The following RIC8A variants were observed in gnomAD, a reference collection of about 807,000 sequenced individuals.
RIC8A encodes RIC8 guanine nucleotide exchange factor A.
Under a neutral mutation model 48.4 loss-of-function variants are expected in RIC8A, and 37 were observed. The observed-to-expected ratio is 0.77, with a 90% CI of 0.59 to 1.01. The LOEUF is 1.01. Among genes scored for constraint, RIC8A ranks in the 50% least tolerant of loss-of-function variants. The pLI is 0.00. For missense variants in RIC8A, 681 were observed against 696.8 expected, an observed-to-expected ratio of 0.98 and a Z score of 0.25; for synonymous variants, 288 against 283.4, an observed-to-expected ratio of 1.02 and a Z score of -0.16.
At chr11:209,155 C>G (rs767699816) in intron 1 of RIC8A, 116 bp from the exon 2 acceptor site, 1 of 1,311,824 alleles carries the variant, frequency 7.6e-7, no homozygotes. Flanking sequence ...AGTGCCGACC[C>G]TGCCATCCGT....
At chr11:212,083 C>A in intron 5 of RIC8A, 1 of 319,780 alleles carries the variant, frequency 3.1e-6, no homozygotes, top group East Asian at 7.3e-5. Context: ...AATGTGTGTG[C>A]GAGTCTAAAG....
rs1310859495 is a variant in RIC8A, at chr11:211,411, A to T, written c.969+62A>T. On this transcript the variant is annotated intron_variant, in intron 5 of 9. Transcript: ENST00000526104. The surrounding 1 kb of genome is among the most constrained non-coding windows in gnomAD (Gnocchi z 4.0). ...CTCTGGCACTGGTTCTCCTGCACAGATGTGGTCAGTGCTTCCACACTGTCC... is the reference window on the plus strand; with the variant it reads ...CTCTGGCACTGGTTCTCCTGCACAGTTGTGGTCAGTGCTTCCACACTGTCC... The T allele has an allele frequency of 1.3e-6, 2 of 1,550,014 alleles. No homozygotes were observed. Among genetic ancestry groups the T allele is most frequent in the Non-Finnish European group, 8.8e-7 (1 of 1,139,232 alleles).
chr11:208,775 CT>C lies in RIC8A; in HGVS notation c.-77del. 8.4e-7 allele frequency: 1 copy of C among 1,193,564 alleles called. No individual in the cohort carries two copies. Among genetic ancestry groups the C allele is most frequent in the Non-Finnish European group, 1.2e-6 (1 of 866,814 alleles). 73.9% of individuals were successfully genotyped at this position (1,193,564 alleles called of 1,614,324 possible). A position where few individuals can be genotyped will look rare whatever the true frequency, so the allele number is the denominator to read the frequency against. The stretch of plus-strand genomic sequence containing the variant: ...GCCTCCCCCGCGCGCTGGCGCGGGG[CT>C]TTCTGGGCCAGGGCGGGGCCGGCGA... On this transcript the variant is annotated 5_prime_UTR_variant, in exon 1 of 10. Coordinates refer to ENST00000526104, the MANE Select transcript of RIC8A (RefSeq NM_001286134.2). The surrounding 1 kb of genome is among the most constrained non-coding windows in gnomAD (Gnocchi z 4.8).
chr11:213,877 G>A, intron 9 of RIC8A: 1 of 290,866 alleles, frequency 3.4e-6, no homozygotes, highest in Non-Finnish European at 6.6e-6. Flanking sequence ...AACCCAGGAG[G>A]CAGAGCTTGC....
In RIC8A at chr11:208,737, G is replaced by A. The variant is rs1855255291; in HGVS notation, c.-118G>A. On this transcript the variant is annotated 5_prime_UTR_variant, in exon 1 of 10. Coordinates refer to ENST00000526104, the MANE Select transcript of RIC8A (RefSeq NM_001286134.2). This position sits in a 1 kb window ranked among gnomAD's most constrained non-coding sequence, Gnocchi z 4.8. ...CCCCGTTAAAGCGCCACCAGACGCC[G>A]CGCCCCGTCCCGGCCTCCCCCGCGC... 3 of 679,430 alleles carry A rather than the reference G, an allele frequency of 4.4e-6. No individual in the cohort carries two copies. The highest frequency in any genetic ancestry group is 7.0e-6 in the Non-Finnish European group (3 of 431,426). 42.1% of individuals were successfully genotyped at this position (679,430 alleles called of 1,614,324 possible). A position where few individuals can be genotyped will look rare whatever the true frequency, so the allele number is the denominator to read the frequency against.
At position 208,931 on chromosome 11, in the gene RIC8A, A is replaced by G. The variant is rs1020802549; in HGVS notation, c.77A>G (p.Asn26Ser). The change falls in exon 1 of 10, where the codon AAC (asparagine) becomes AGC (serine). Residue 26 changes from asparagine (N) to serine (S), a missense_variant. By Grantham distance (46) the Asn-to-Ser change is conservative (BLOSUM62 1). Transcript: ENST00000526104. The surrounding 1 kb of genome is among the most constrained non-coding windows in gnomAD (Gnocchi z 4.8). Reference sequence around the variant, plus strand: ...ATTATGGAAGCTCTGCGGTCATACAACCAGGAGGTAAGCGGCCGCCTGAGG... The same window carrying G: ...ATTATGGAAGCTCTGCGGTCATACAGCCAGGAGGTAAGCGGCCGCCTGAGG... ...DVIMEALRSY[N>S]QEHSQSFTFD... 1 of 1,494,704 alleles carries G rather than the reference A, an allele frequency of 6.7e-7. No homozygotes were observed. Among genetic ancestry groups the G allele is most frequent in the African/African-American group, 1.4e-5 (1 of 70,326 alleles). 92.6% of individuals were successfully genotyped at this position (1,494,704 alleles called of 1,614,324 possible). A position where few individuals can be genotyped will look rare whatever the true frequency, so the allele number is the denominator to read the frequency against.
In RIC8A at chr11:213,369, A is replaced by G. The variant is rs762745899; in HGVS notation, c.1426A>G (p.Lys476Glu). The change falls in exon 9 of 10, where the codon AAG (lysine) becomes GAG (glutamate). Residue 476 changes from lysine to glutamate, a missense_variant. Lys to Glu is a moderately conservative substitution (Grantham distance 56, BLOSUM62 1). Transcript: ENST00000526104. ...NPMEGMTEEQ[K>E]EHEAMKLVTM... The stretch of plus-strand genomic sequence containing the variant: ...TATGGAGGGCATGACAGAGGAGCAG[A>G]AGGAGCACGAGGCCATGAAGCTGGT... 6.8e-6 allele frequency: 11 copies of G among 1,611,246 alleles called. No individual in the cohort carries two copies. Among genetic ancestry groups the G allele is most frequent in the Admixed American group, 5.0e-5 (3 of 59,600 alleles).
chr11:210,472 A>G (rs1237939561), intron 3 of RIC8A, 99 bp from the exon 4 acceptor site: 2 of 1,129,906 alleles, frequency 1.8e-6, no homozygotes, highest in East Asian at 2.3e-5. Context: ...GTGCACAGTC[A>G]TTGCCACACA....
In RIC8A at chr11:209,622, G is replaced by A. The variant is rs774946402; in HGVS notation, c.348G>A (p.Glu116=). ...PESADMDVVL[E]SLKCLCNLVL... ...CCGCAGACATGGATGTTGTACTGGA[G>A]TCCCTCAAGTGCCTGTGCAACCTCG... The change falls in exon 3 of 10, where the codon GAG becomes GAA. Residue 116 remains glutamate (E), a synonymous_variant. Transcript: ENST00000526104. The A allele has an allele frequency of 1.2e-6, 2 of 1,614,078 alleles. No homozygotes were observed. The highest frequency in any genetic ancestry group is 1.6e-4 in the Middle Eastern group (1 of 6,062).
chr11:209,192 A>T (rs747804142), intron 1 of RIC8A, 79 bp from the exon 2 acceptor site: 3 of 1,538,246 alleles, frequency 2.0e-6, no homozygotes, highest in Non-Finnish European at 2.7e-6. Flanking sequence ...TGCCTGAGTT[A>T]GAGGCCAATA....
chr11:208,870 G>A lies in RIC8A; in HGVS notation c.16G>A (p.Val6Ile). 6.2e-7 allele frequency: 1 copy of A among 1,610,582 alleles called. No individual in the cohort carries two copies. Among genetic ancestry groups the A allele is most frequent in the Non-Finnish European group, 8.5e-7 (1 of 1,179,026 alleles). Residue 6 changes from valine to isoleucine, a missense_variant, in exon 1 of 10, where the codon GTT becomes ATT. Val to Ile is a conservative substitution (Grantham distance 29). Coordinates refer to ENST00000526104, the MANE Select transcript of RIC8A (RefSeq NM_001286134.2). This position sits in a 1 kb window ranked among gnomAD's most constrained non-coding sequence, Gnocchi z 4.8. The part of the protein sequence containing the change: MEPRA[V>I]AEAVETGEED... ...CCGGCGCGCCATGGAGCCCCGGGCG[G>A]TTGCAGAAGCCGTGGAGACGGGTGA...
chr11:209,334 A>G lies in RIC8A; in HGVS notation c.132+16A>G, dbSNP rs1308938615. ...GGACCGGAAGGTGGGTGCTGGCCCA[A>G]GGGGTAAAGGGGCAGGGACGGGTGG... On this transcript the variant is annotated intron_variant, in intron 2 of 9. Coordinates refer to ENST00000526104, the MANE Select transcript of RIC8A (RefSeq NM_001286134.2). The G allele has an allele frequency of 1.2e-6, 2 of 1,609,102 alleles. No individual in the cohort carries two copies. The highest frequency in any genetic ancestry group is 1.7e-5 in the Admixed American group (1 of 59,778).
Position 211,164 on chromosome 11 carries a change from G to T in RIC8A, c.819-35G>T. On this transcript the variant is annotated intron_variant, in intron 4 of 9. Transcript: ENST00000526104. This position sits in a 1 kb window ranked among gnomAD's most constrained non-coding sequence, Gnocchi z 4.0. ...AGATTGCACCTGTGCTCAGGGATTAGCCCTGTTGAAACCCCTACCTCCATC... is the reference window on the plus strand; with the variant it reads ...AGATTGCACCTGTGCTCAGGGATTATCCCTGTTGAAACCCCTACCTCCATC... The T allele has an allele frequency of 6.3e-7, 1 of 1,595,740 alleles. No homozygotes were observed. The highest frequency in any genetic ancestry group is 1.1e-5 in the South Asian group (1 of 88,498).
In RIC8A at chr11:208,243, C is replaced by CAA. The variant is rs1387965881; in HGVS notation, c.-608_-607dup. ...CTCACTTCCCACCGTCCGGTGTCAG[C>CAA]AAAAACAGCACTTCCTCACAGCCCG... On this transcript the variant is annotated 5_prime_UTR_variant, in exon 1 of 10. Transcript: ENST00000526104. This position sits in a 1 kb window ranked among gnomAD's most constrained non-coding sequence, Gnocchi z 4.8. 6.6e-6 allele frequency: 1 copy of CAA among 152,480 alleles called. No homozygotes were observed. Among genetic ancestry groups the CAA allele is most frequent in the Admixed American group, 6.5e-5 (1 of 15,282 alleles). 9.4% of individuals were successfully genotyped at this position (152,480 alleles called of 1,614,324 possible).
Position 213,428 on chromosome 11 carries a change from A to G in RIC8A, c.1475+10A>G. 6.4e-7 allele frequency: 1 copy of G among 1,572,236 alleles called. No individual in the cohort carries two copies. The stretch of plus-strand genomic sequence containing the variant: ...TTGACAAGCTCTCCAGGTGTGTGGC[A>G]TGAGGAGGAGGGGCCTGCAGCTGGG... On this transcript the variant is annotated intron_variant, in intron 9 of 9. Transcript: ENST00000526104.
Position 212,989 on chromosome 11 carries a change from C to A in RIC8A, c.1355+8C>A. 1 of 1,540,824 alleles carries A rather than the reference C, an allele frequency of 6.5e-7. No homozygotes were observed. The highest frequency in any genetic ancestry group is 8.7e-7 in the Non-Finnish European group (1 of 1,144,984). On this transcript the variant is annotated splice_region_variant and intron_variant, in intron 8 of 9. Coordinates refer to ENST00000526104, the MANE Select transcript of RIC8A (RefSeq NM_001286134.2). ...CAAGGAAGCCAAAGCCAGGTGTGTA[C>A]CCCCAACACACCCTCGGGTCTCCAC...
Position 209,964 on chromosome 11 carries a change from C to T in RIC8A, c.690C>T (p.Asn230=). 6.3e-7 allele frequency: 1 copy of T among 1,598,666 alleles called. No individual in the cohort carries two copies. The highest frequency in any genetic ancestry group is 1.1e-5 in the South Asian group (1 of 90,960). ...RAMEILKVLF[N]ITLDSIKGEV... Reference sequence around the variant, plus strand: ...TGGAGATCCTCAAAGTGCTCTTCAACATCACCCTGGACTCCATCAAGGGGG... The same window carrying T: ...TGGAGATCCTCAAAGTGCTCTTCAATATCACCCTGGACTCCATCAAGGGGG... The change falls in exon 3 of 10, where the codon AAC becomes AAT. Residue 230 remains asparagine, a synonymous_variant. Transcript: ENST00000526104.
chr11:211,631 CTT>C lies in RIC8A; in HGVS notation c.969+285_969+286del, dbSNP rs1855359892. On this transcript the variant is annotated intron_variant, in intron 5 of 9. Transcript: ENST00000526104. The surrounding 1 kb of genome is among the most constrained non-coding windows in gnomAD (Gnocchi z 4.0). The stretch of plus-strand genomic sequence containing the variant: ...GTCCAGAGAAGCCCCCCAGTCCCTA[CTT>C]TTAAGTCTTAAACACAGGCAGCCCT... The C allele has an allele frequency of 3.3e-6, 1 of 303,688 alleles. No individual in the cohort carries two copies. Among genetic ancestry groups the C allele is most frequent in the Non-Finnish European group, 6.1e-6 (1 of 163,334 alleles). 18.8% of individuals were successfully genotyped at this position (303,688 alleles called of 1,614,324 possible).
rs1855488306 is a variant in RIC8A, at chr11:214,693, G to T, written c.*343G>T. The T allele has an allele frequency of 2.6e-6, 1 of 386,910 alleles. No homozygotes were observed. The allele number at this position is 386,910 out of a possible 1,614,324, so 24.0% of individuals were successfully genotyped here. A position where few individuals can be genotyped will look rare whatever the true frequency, so the allele number is the denominator to read the frequency against. On this transcript the variant is annotated 3_prime_UTR_variant, in exon 10 of 10. Transcript: ENST00000526104. ...CAGAAGAGCATATGGGAGGGCAGGG[G>T]TTTGGGTGTGGGTGCACACAAAGCA...
Sources: gnomAD v4.1 joint callset for allele counts on GRCh38, gnomAD v4.1.1 for gene constraint, Gnocchi (gnomAD v3.1) non-coding constraint, MANE v1.5 for transcripts, NCBI Gene and HGNC (gene_info 2026-07-23, HGNC 2026-07-21) for gene names.